The following MIER1 variants were observed in gnomAD, a reference collection of about 807,000 sequenced individuals.
MIER1 encodes mesoderm induction early response protein 1.
MIER1 carries 40 observed loss-of-function variants against 75.7 expected under a neutral mutation model. That is an observed-to-expected ratio of 0.53 (90% CI 0.41 to 0.69). The LOEUF is 0.69. Among genes scored for constraint, MIER1 ranks in the 30% least tolerant of loss-of-function variants. The pLI is 0.00. For missense variants in MIER1, 574 were observed against 680.2 expected (o/e 0.84, Z 1.74); for synonymous variants, 213 against 223.4 (o/e 0.95, Z 0.42).
At chr1:66,980,678 C>T (rs1665702496) in intron 12 of MIER1, among the ~76,000 whole-genome samples, 2 of 152,058 alleles carry the variant, frequency 1.3e-5, no homozygotes, top group Non-Finnish European at 2.9e-5. Flanking sequence ...AGATAAATAA[C>T]ACAATTAGAA....
chr1:66,970,869 T>C lies in MIER1; in HGVS notation c.834T>C (p.Ile278=). The C allele has an allele frequency of 1.9e-6, 3 of 1,598,402 alleles. No individual in the cohort carries two copies. The highest frequency in any genetic ancestry group is 2.6e-6 in the Non-Finnish European group (3 of 1,174,860). Residue 278 remains isoleucine, a synonymous_variant, in exon 9 of 14, where the codon ATT becomes ATC. Transcript: ENST00000401041. ...AGTACTTACCAGAAGATAAAGTGAT[T>C]ATATTTCTTAAAGATGCATCTAGAA... ...DPEYLPEDKV[I]IFLKDASRRT...
chr1:66,930,475 G>GCCTCT, intron 2 of MIER1: 1 of 1,518,852 alleles, frequency 6.6e-7, no homozygotes, highest in Non-Finnish European at 9.0e-7. Context: ...AGTGGAGTGG[G>GCCTCT]CCTGGCCAGG....
intron 4 of MIER1, among the ~76,000 whole-genome samples, chr1:66,953,500 T>C (rs981908208): frequency 3.3e-5 from 5 of 152,192 alleles, no homozygotes; most frequent in African/African-American, 1.2e-4. Flanking sequence ...GGTGATGATT[T>C]TTTCTTTGTT....
chr1:66,959,272 C>A (rs1319566177), intron 6 of MIER1, among the ~76,000 whole-genome samples: 1 of 151,932 alleles, frequency 6.6e-6, no homozygotes, highest in African/African-American at 2.4e-5. Flanking sequence ...CATAGTCTTT[C>A]CCTTAGTTTC....
rs147955150 is a variant in MIER1, at chr1:66,979,081, G to T, written c.1229+2359G>T. Among the ~76,000 whole-genome samples the T allele has an allele frequency of 3.6e-3, 540 of 151,992 alleles. 4 individuals carry two copies. Among genetic ancestry groups the T allele is most frequent in the African/African-American group, 0.012 (516 of 41,440 alleles). On this transcript the variant is annotated intron_variant, in intron 12 of 13. Transcript: ENST00000401041. ...TACCATGGTTTTGTAGGCTTCAGTT[G>T]TAGCCCCACTGGGTTGTTTTTTTTT...
chr1:66,949,006 A>G (rs1031755898), intron 4 of MIER1, among the ~76,000 whole-genome samples: 17 of 152,314 alleles, frequency 1.1e-4, no homozygotes, highest in Middle Eastern at 3.4e-3. Flanking sequence ...GAAGCGATTC[A>G]AAAACAGTTA....
chr1:66,951,838 T>C (rs17129539), intron 4 of MIER1, among the ~76,000 whole-genome samples: 11,151 of 152,212 alleles, frequency 0.073, 497 homozygotes, highest in African/African-American at 0.12. Context: ...AACAGGATGC[T>C]GTATACTTAA....
intron 6 of MIER1, 95 bp from the exon 7 acceptor site, chr1:66,959,571 AGATATCTTTGAGC>A (rs1378166898): frequency 3.5e-6 from 2 of 567,490 alleles, no homozygotes; most frequent in African/African-American, 3.9e-5. Context: ...TTAATTCATT[AGATATCTTTGAGC>A]ATATCCAAAT....
Position 66,986,532 on chromosome 1 carries a change from G to A in MIER1, c.*1632G>A. The A allele has an allele frequency of 7.7e-7, 1 of 1,294,942 alleles. No homozygotes were observed. The highest frequency in any genetic ancestry group is 1.1e-6 in the Non-Finnish European group (1 of 896,202). The allele number at this position is 1,294,942 out of a possible 1,614,324, so 80.2% of individuals were successfully genotyped here. ...GTCTGATGTAATTGAGTGAAGGTTT[G>A]CACTGAGAAATTAGCATTCAGGCCT... On this transcript the variant is annotated 3_prime_UTR_variant, in exon 14 of 14. Coordinates refer to ENST00000401041, the MANE Select transcript of MIER1 (RefSeq NM_001077700.3).
chr1:66,936,649 T>C (rs1654916967), intron 2 of MIER1, among the ~76,000 whole-genome samples: 1 of 152,076 alleles, frequency 6.6e-6, no homozygotes, highest in Non-Finnish European at 1.5e-5. Flanking sequence ...AAGTCTGACA[T>C]GACAGATGAC....
intron 7 of MIER1, among the ~76,000 whole-genome samples, chr1:66,961,723 C>T (rs1233473128): frequency 6.6e-6 from 1 of 152,108 alleles, no homozygotes; most frequent in African/African-American, 2.4e-5. Flanking sequence ...AGTAACTTGA[C>T]AATGTTCTTT....
intron 10 of MIER1, 94 bp from the exon 11 acceptor site, chr1:66,972,803 T>C (rs1663965394): frequency 4.6e-6 from 3 of 657,346 alleles, no homozygotes; most frequent in Non-Finnish European, 8.0e-6. Context: ...GCTTCCCTCA[T>C]TTTTACGAGA....
At chr1:66,940,088 G>T in intron 3 of MIER1, 36 bp downstream of exon 3, 1 of 1,520,522 alleles carries the variant, frequency 6.6e-7, no homozygotes, top group South Asian at 1.1e-5. Flanking sequence ...ATCTCGATTT[G>T]AGTAACATTT....
intron 2 of MIER1, among the ~76,000 whole-genome samples, chr1:66,937,349 G>A (rs952645179): frequency 6.6e-6 from 1 of 152,292 alleles, no homozygotes; most frequent in South Asian, 2.1e-4. Flanking sequence ...ACTTTTGGGA[G>A]GCCAAAGCAG....
chr1:66,937,595 AAAG>A (rs1655219530), intron 2 of MIER1, among the ~76,000 whole-genome samples: 1 of 152,160 alleles, frequency 6.6e-6, no homozygotes, highest in Non-Finnish European at 1.5e-5. Flanking sequence ...AAAAAAAAGA[AAAG>A]AAAAGAAAAT....
intron 2 of MIER1, among the ~76,000 whole-genome samples, chr1:66,934,956 T>A (rs2101114873): frequency 6.6e-6 from 1 of 152,272 alleles, no homozygotes; most frequent in East Asian, 1.9e-4. Flanking sequence ...ACTTAGAGTC[T>A]ACATAACTAA....
intron 11 of MIER1, among the ~76,000 whole-genome samples, chr1:66,973,831 G>A (rs1367162439): frequency 1.3e-5 from 2 of 151,974 alleles, no homozygotes; most frequent in African/African-American, 4.8e-5. Flanking sequence ...AAGGGTATTG[G>A]TTTATGTAAT....
In MIER1 at chr1:66,984,656, G is replaced by A. The variant is rs762657503; in HGVS notation, c.1454G>A (p.Gly485Glu). 2 of 1,613,752 alleles carry A rather than the reference G, an allele frequency of 1.2e-6. No individual in the cohort carries two copies. Among genetic ancestry groups the A allele is most frequent in the Non-Finnish European group, 1.7e-6 (2 of 1,179,896 alleles). The stretch of plus-strand genomic sequence containing the variant: ...TTACACATTAATGGACCAACAGGTG[G>A]AAATAAGAAACCACTTCATGCAGAT... ...EGLHINGPTGGNKKPLHADMD... is the reference protein window; with the variant it reads ...EGLHINGPTGENKKPLHADMD... The change falls in exon 14 of 14, where the codon GGA (glycine) becomes GAA (glutamate). Residue 485 changes from glycine (G) to glutamate (E), a missense_variant. Physicochemically the swap from Gly to Glu is moderately conservative, Grantham distance 98. Transcript: ENST00000401041.
At chr1:66,975,091 T>C (rs1408596825) in intron 11 of MIER1, among the ~76,000 whole-genome samples, 5 of 152,188 alleles carry the variant, frequency 3.3e-5, no homozygotes, top group South Asian at 2.1e-4. Context: ...AAGCAAAATA[T>C]ATGTTGGGTA....
Sources: allele counts gnomAD v4.1 joint callset (sites outside exome capture counted in the v4.1 genomes callset), GRCh38; gene constraint gnomAD v4.1.1; transcripts MANE v1.5; gene names NCBI Gene and HGNC (gene_info 2026-07-23, HGNC 2026-07-21).